SEPTIN7: variants seen among roughly 807,000 people sequenced by gnomAD.
SEPTIN7 encodes septin 7.
A neutral mutation model predicts 63.3 loss-of-function variants in SEPTIN7; 10 were observed. That is an observed-to-expected ratio of 0.16 (90% CI 0.10 to 0.27). The LOEUF is 0.27. Ranked by LOEUF, SEPTIN7 falls within the 10% of genes least tolerant of loss-of-function variation. SEPTIN7 has a pLI of 1.00. For synonymous variants in SEPTIN7, 131 were observed against 165.3 expected (o/e 0.79, Z 1.59); for missense variants, 310 against 521.0 (o/e 0.59, Z 3.94).
intron 10 of SEPTIN7, among the ~76,000 whole-genome samples, chr7:35,888,062 GA>G (rs923795933): frequency 1.3e-5 from 2 of 152,146 alleles, no homozygotes; most frequent in Non-Finnish European, 2.9e-5. Flanking sequence ...TGGAAAGGAG[GA>G]AAACTATACA....
In SEPTIN7 at chr7:35,865,877, G is replaced by A. The variant is rs538579247; in HGVS notation, c.276+2219G>A. Among the ~76,000 whole-genome samples the A allele has an allele frequency of 3.3e-5, 5 of 152,082 alleles. No individual in the cohort carries two copies. The East Asian group carries it at 9.7e-4, about 29-fold the overall frequency. On this transcript the variant is annotated intron_variant, in intron 4 of 13. Coordinates refer to ENST00000350320, the MANE Select transcript of SEPTIN7 (RefSeq NM_001788.6). Reference sequence around the variant, plus strand: ...TCAATTTATTAGAATTCTTACATTGGCCTAGCTTCAAAATAAATTGTCTAA... The same window carrying A: ...TCAATTTATTAGAATTCTTACATTGACCTAGCTTCAAAATAAATTGTCTAA...
At chr7:35,824,499 A>C (rs1014178403) in intron 1 of SEPTIN7, among the ~76,000 whole-genome samples, 1 of 152,146 alleles carries the variant, frequency 6.6e-6, no homozygotes, top group East Asian at 1.9e-4. Flanking sequence ...TGTCTAACCT[A>C]GATGTTTCTA....
At chr7:35,888,914 A>C in intron 10 of SEPTIN7, 1 of 290,292 alleles carries the variant, frequency 3.4e-6, no homozygotes, top group Non-Finnish European at 7.1e-6. Flanking sequence ...CTCCACTTAG[A>C]GAAACTGGTT....
At chr7:35,896,494 A>G (rs1173959283) in intron 11 of SEPTIN7, among the ~76,000 whole-genome samples, 1 of 152,176 alleles carries the variant, frequency 6.6e-6, no homozygotes, top group East Asian at 1.9e-4. Context: ...GCAAACACAA[A>G]CACACATTTG....
intron 3 of SEPTIN7, among the ~76,000 whole-genome samples, chr7:35,857,389 T>TA (rs913897269): frequency 3.3e-4 from 50 of 151,180 alleles, no homozygotes; most frequent in African/African-American, 5.1e-4. Flanking sequence ...TAATTGGTCT[T>TA]AAAAAAAAAG....
intron 3 of SEPTIN7, among the ~76,000 whole-genome samples, chr7:35,862,719 G>A (rs547860962): frequency 3.6e-4 from 55 of 152,200 alleles, no homozygotes; most frequent in Non-Finnish European, 6.5e-4. Context: ...GGCTAAGCAT[G>A]CCTATTATTC....
chr7:35,890,736 T>A lies in SEPTIN7; in HGVS notation c.941T>A (p.Leu314His), dbSNP rs1787584520. ...VHYENYRSRK[L>H]AAVTYNGVDN... is the part of the protein sequence containing the mutation. Reference sequence around the variant, plus strand: ...TATGAGAACTACAGAAGCAGAAAACTTGCAGCTGTGACTTATAATGGAGTT... The same window carrying A: ...TATGAGAACTACAGAAGCAGAAAACATGCAGCTGTGACTTATAATGGAGTT... The change falls in exon 11 of 14, where the codon CTT becomes CAT. Residue 314 changes from leucine to histidine, a missense_variant. Leu to His is a moderately conservative substitution (Grantham distance 99). Around this residue, in one of 2 missense-constraint regions of SEPTIN7, gnomAD observed 255 missense variants for 490.5 expected, o/e 0.52. Coordinates refer to ENST00000350320, the MANE Select transcript of SEPTIN7 (RefSeq NM_001788.6). 1 of 1,600,500 alleles carries A rather than the reference T, an allele frequency of 6.2e-7. No homozygotes were observed. Among genetic ancestry groups the A allele is most frequent in the African/African-American group, 1.3e-5 (1 of 74,278 alleles).
At chr7:35,899,129 A>G (rs370712850) in intron 12 of SEPTIN7, 1 of 152,234 alleles carries the variant, frequency 6.6e-6, no homozygotes, top group East Asian at 1.9e-4. Flanking sequence ...AAATCCATAG[A>G]GCAGTTAGTT....
intron 11 of SEPTIN7, among the ~76,000 whole-genome samples, chr7:35,892,553 A>G (rs148864201): frequency 8.8e-4 from 134 of 152,280 alleles, no homozygotes; most frequent in African/African-American, 3.1e-3. Flanking sequence ...TACTTATTCA[A>G]TATATTTTTT....
At chr7:35,896,982 T>G (rs1439108841) in intron 11 of SEPTIN7, among the ~76,000 whole-genome samples, 2 of 152,194 alleles carry the variant, frequency 1.3e-5, no homozygotes, top group African/African-American at 4.8e-5. Context: ...TTTGCCTGCT[T>G]CCCTGTTAGA....
At chr7:35,863,989 C>G (rs1785661418) in intron 4 of SEPTIN7, among the ~76,000 whole-genome samples, 1 of 150,358 alleles carries the variant, frequency 6.7e-6, no homozygotes, top group Non-Finnish European at 1.5e-5. Context: ...ATTAAAAATG[C>G]AATTTCTCAT....
intron 10 of SEPTIN7, among the ~76,000 whole-genome samples, chr7:35,886,962 A>G (rs573242040): frequency 1.3e-5 from 2 of 152,160 alleles, no homozygotes; most frequent in African/African-American, 4.8e-5. Flanking sequence ...CTTGGTAGGA[A>G]CTACATGATA....
At chr7:35,851,602 T>C (rs1784964102) in intron 3 of SEPTIN7, among the ~76,000 whole-genome samples, 1 of 152,178 alleles carries the variant, frequency 6.6e-6, no homozygotes, top group African/African-American at 2.4e-5. Flanking sequence ...AGAAGTACAC[T>C]TGATTTGGGT....
At chr7:35,863,506 C>T (rs757121534) in intron 3 of SEPTIN7, 46 bp from the exon 4 acceptor site, 12 of 1,155,086 alleles carry the variant, frequency 1.0e-5, no homozygotes, top group African/African-American at 3.1e-5. Context: ...TTTAAGATTG[C>T]GTAAAGTGGG....
At chr7:35,837,824 C>T (rs1315600254) in intron 3 of SEPTIN7, among the ~76,000 whole-genome samples, 5 of 152,054 alleles carry the variant, frequency 3.3e-5, no homozygotes, top group Admixed American at 2.0e-4. Context: ...CTCCACCTCC[C>T]AGGTTCAGGC....
chr7:35,822,971 T>C (rs1236599716), intron 1 of SEPTIN7, among the ~76,000 whole-genome samples: 1 of 152,236 alleles, frequency 6.6e-6, no homozygotes, highest in Non-Finnish European at 1.5e-5. Context: ...ACACTTTCAG[T>C]AAGTTAGCTT....
chr7:35,901,573 T>G (rs1360605152), intron 12 of SEPTIN7: 3 of 152,172 alleles, frequency 2.0e-5, no homozygotes, highest in Non-Finnish European at 2.9e-5. Flanking sequence ...ATGGGTTTCT[T>G]AAGAGTGAGA....
intron 1 of SEPTIN7, among the ~76,000 whole-genome samples, chr7:35,822,863 T>C (rs1783296346): frequency 2.0e-5 from 3 of 152,208 alleles, no homozygotes; most frequent in African/African-American, 7.2e-5. Flanking sequence ...ACCACACCCC[T>C]GTTTTGTTCT....
At chr7:35,803,067 AATAAC>A in intron 1 of SEPTIN7, 3 of 606,070 alleles carry the variant, frequency 4.9e-6, no homozygotes, top group Non-Finnish European at 6.2e-6. Context: ...ATTCACAACA[AATAAC>A]AGAAATGTTA....
Sources: allele counts gnomAD v4.1 joint callset (sites outside exome capture counted in the v4.1 genomes callset), GRCh38; gene constraint gnomAD v4.1.1; regional missense constraint gnomAD v4.1.1; transcripts MANE v1.5; gene names NCBI Gene and HGNC (gene_info 2026-07-23, HGNC 2026-07-21).